ANKS1B: variants seen among roughly 807,000 people sequenced by gnomAD.
ANKS1B encodes the protein ankyrin repeat and sterile alpha motif domain containing 1B.
A neutral mutation model predicts 148.3 loss-of-function variants in ANKS1B; 36 were observed. The ratio of observed to expected loss-of-function variants is 0.24; its 90% CI spans 0.19 to 0.32. The LOEUF is 0.32. Among genes scored for constraint, ANKS1B ranks in the 10% least tolerant of loss-of-function variants. The pLI, the probability that ANKS1B is intolerant of heterozygous loss-of-function variation, is 1.00. For synonymous variants in ANKS1B, 542 were observed against 560.8 expected (o/e 0.97, Z 0.47); for missense variants, 1,157 against 1,542.6 (o/e 0.75, Z 4.19).
At position 99,240,764 on chromosome 12, in the gene ANKS1B, C is replaced by T. The variant is rs546907476; in HGVS notation, c.2419+3578G>A. Among the ~76,000 whole-genome samples the T allele has an allele frequency of 9.9e-5, 15 of 152,264 alleles. No individual in the cohort carries two copies. The South Asian group carries it at 1.0e-3, about 11-fold the overall frequency. ...AAATTCACTCAAAACTGCTCAACTA[C>T]GTGGAAACTGAACAACCTGCTCCTG... is the stretch of plus-strand genomic sequence containing the variant. On this transcript the variant is annotated intron_variant, in intron 14 of 26. Coordinates refer to ENST00000683438, the MANE Select transcript of ANKS1B (RefSeq NM_001352186.2).
intron 9 of ANKS1B, among the ~76,000 whole-genome samples, chr12:99,533,712 T>C (rs895007311): frequency 3.9e-5 from 6 of 152,200 alleles, no homozygotes; most frequent in African/African-American, 1.2e-4. Context: ...TTTAGCTACT[T>C]TTTAGATTCT....
In ANKS1B at chr12:99,084,942, T is replaced by G; in HGVS notation, c.2608A>C (p.Ile870Leu). The G allele has an allele frequency of 6.2e-7, 1 of 1,609,836 alleles. No individual in the cohort carries two copies. The highest frequency in any genetic ancestry group is 1.1e-5 in the South Asian group (1 of 89,814). ...SGHRQRILQA[I>L]QLLPKMRPIG... The stretch of plus-strand genomic sequence containing the variant: ...TTGCTCACCTTTGGAAGGAGCTGGA[T>G]TGCCTGTAGAATTCTTTGTCTGTGC... The change falls in exon 16 of 27, where the codon ATC becomes CTC. Residue 870 changes from isoleucine to leucine, a missense_variant. Ile to Leu is a conservative substitution (Grantham distance 5). This residue lies in a region of ANKS1B where 258 missense variants were observed against 497.0 expected (regional missense o/e 0.52). Coordinates refer to ENST00000683438, the MANE Select transcript of ANKS1B (RefSeq NM_001352186.2).
At position 99,569,369 on chromosome 12, in the gene ANKS1B, TATAACC is replaced by T. The variant is rs2097428772; in HGVS notation, c.1273-64734_1273-64729del. 3.3e-5 allele frequency among the ~76,000 whole-genome samples: 5 copies of T among 152,342 alleles called. No homozygotes were observed. In the South Asian group the frequency reaches 8.3e-4, roughly 25 times the overall value. On this transcript the variant is annotated intron_variant, in intron 9 of 26. Transcript: ENST00000683438. ...TCAATTCTTCTGCTTATACTAGCTGTATAACCTTGGACAAGCTACCTAAACTCTCAG... is the reference window on the plus strand; with the variant it reads ...TCAATTCTTCTGCTTATACTAGCTGTTTGGACAAGCTACCTAAACTCTCAG...
chr12:99,809,331 T>C (rs1347794375), intron 3 of ANKS1B, among the ~76,000 whole-genome samples: 1 of 151,094 alleles, frequency 6.6e-6, no homozygotes, highest in Admixed American at 6.6e-5. Flanking sequence ...GCAAAGGCAA[T>C]GTGTTTTTCA....
intron 1 of ANKS1B, among the ~76,000 whole-genome samples, chr12:99,948,572 A>G (rs367942121): frequency 1.9e-4 from 29 of 152,162 alleles, no homozygotes; most frequent in African/African-American, 6.3e-4. Flanking sequence ...TGGGAATTCA[A>G]TTAAACACTG....
intron 25 of ANKS1B, among the ~76,000 whole-genome samples, chr12:98,768,135 G>T (rs2098510541): frequency 6.6e-6 from 1 of 152,126 alleles, no homozygotes; most frequent in Non-Finnish European, 1.5e-5. Flanking sequence ...TTCAGGCCTA[G>T]CAAGTTAGGG....
chr12:99,805,761 C>G (rs2067564872), intron 4 of ANKS1B, among the ~76,000 whole-genome samples: 1 of 151,910 alleles, frequency 6.6e-6, no homozygotes. Flanking sequence ...CAAATCACAC[C>G]TTTTCCATTT....
intron 9 of ANKS1B, among the ~76,000 whole-genome samples, chr12:99,525,669 A>G (rs566586049): frequency 1.3e-5 from 2 of 152,288 alleles, no homozygotes; most frequent in East Asian, 3.9e-4. Flanking sequence ...GAAATAATAA[A>G]CTTGAATTAC....
intron 15 of ANKS1B, among the ~76,000 whole-genome samples, chr12:99,113,666 C>T (rs947355124): frequency 6.6e-6 from 1 of 152,122 alleles, no homozygotes; most frequent in Non-Finnish European, 1.5e-5. Flanking sequence ...GGACTTGTGC[C>T]TTTCTCTTCA....
chr12:99,544,382 C>G (rs2097154164), intron 9 of ANKS1B, among the ~76,000 whole-genome samples: 1 of 152,148 alleles, frequency 6.6e-6, no homozygotes, highest in Non-Finnish European at 1.5e-5. Flanking sequence ...TGAAGTCTGA[C>G]AGTCCCTACC....
At chr12:99,096,176 T>C (rs1395478437) in intron 15 of ANKS1B, among the ~76,000 whole-genome samples, 2 of 152,182 alleles carry the variant, frequency 1.3e-5, no homozygotes, top group Admixed American at 1.3e-4. Context: ...AGGTTGACCT[T>C]AGTGTGTAGC....
chr12:98,853,977 C>T (rs1477527149), intron 17 of ANKS1B, among the ~76,000 whole-genome samples: 1 of 152,160 alleles, frequency 6.6e-6, no homozygotes, highest in East Asian at 1.9e-4. Context: ...GATCTGGGAC[C>T]AGGGATGGAG....
chr12:98,744,599 G>C lies in ANKS1B; in HGVS notation c.*1140C>G. On this transcript the variant is annotated 3_prime_UTR_variant, in exon 27 of 27. Coordinates refer to ENST00000683438, the MANE Select transcript of ANKS1B (RefSeq NM_001352186.2). ...ATTAAAATACCTTAAAGAAATGTAAGTAAATTTTATTTAATCAAATAGTAA... is the reference window on the plus strand; with the variant it reads ...ATTAAAATACCTTAAAGAAATGTAACTAAATTTTATTTAATCAAATAGTAA... 1 of 725,344 alleles carries C rather than the reference G, an allele frequency of 1.4e-6. No homozygotes were observed. The highest frequency in any genetic ancestry group is 6.4e-5 in the South Asian group (1 of 15,696). 44.9% of individuals were successfully genotyped at this position (725,344 alleles called of 1,614,324 possible).
chr12:99,315,502 A>T (rs1389151293), intron 12 of ANKS1B, among the ~76,000 whole-genome samples: 1 of 152,122 alleles, frequency 6.6e-6, no homozygotes, highest in Non-Finnish European at 1.5e-5. Context: ...GCAAATCAAA[A>T]CCACAATGAG....
intron 12 of ANKS1B, among the ~76,000 whole-genome samples, chr12:99,364,766 A>G (rs907564303): frequency 1.3e-5 from 2 of 152,166 alleles, no homozygotes; most frequent in Admixed American, 1.3e-4. Flanking sequence ...TGTTTCCTCA[A>G]CTATTTAGAT....
chr12:99,412,960 T>C (rs2094766837), intron 11 of ANKS1B, among the ~76,000 whole-genome samples: 1 of 152,240 alleles, frequency 6.6e-6, no homozygotes, highest in South Asian at 2.1e-4. Context: ...GTTATGAATA[T>C]GATGTTAATG....
intron 12 of ANKS1B, among the ~76,000 whole-genome samples, chr12:99,299,602 T>C (rs541772708): frequency 4.6e-5 from 7 of 152,192 alleles, no homozygotes; most frequent in Non-Finnish European, 1.0e-4. Context: ...GTGTTTGTGG[T>C]TGCTGTTGTA....
intron 17 of ANKS1B, among the ~76,000 whole-genome samples, chr12:98,841,098 T>C (rs7973932): frequency 0.02 from 3,058 of 152,310 alleles, 100 homozygotes; most frequent in East Asian, 0.076. Flanking sequence ...CCATGCAGGA[T>C]ATTTACTGCT....
At chr12:98,889,095 T>C (rs985166019) in intron 17 of ANKS1B, among the ~76,000 whole-genome samples, 1 of 152,218 alleles carries the variant, frequency 6.6e-6, no homozygotes, top group Non-Finnish European at 1.5e-5. Context: ...TGCATGTTCT[T>C]TAAAATGAGT....
Sources: allele counts gnomAD v4.1 joint callset (sites outside exome capture counted in the v4.1 genomes callset), GRCh38; gene constraint gnomAD v4.1.1; regional missense constraint gnomAD v4.1.1; transcripts MANE v1.5; gene names NCBI Gene and HGNC (gene_info 2026-07-23, HGNC 2026-07-21).